Variants in UBE2E2 observed in about 807,000 individuals in gnomAD.
UBE2E2 encodes ubiquitin-conjugating enzyme E2 E2.
In UBE2E2, 6 loss-of-function variants were observed where a neutral mutation model predicts 24.7. The observed-to-expected ratio is 0.24, with a 90% CI of 0.13 to 0.48. The LOEUF (loss-of-function observed/expected upper bound fraction) is 0.48, where lower values mean the gene tolerates loss of function less well. UBE2E2 is among the 20% of genes least tolerant of loss of function. The pLI, the probability that UBE2E2 is intolerant of heterozygous loss-of-function variation, is 0.99. For missense variants in UBE2E2, 169 were observed against 245.0 expected (o/e 0.69, Z 2.07); for synonymous variants, 104 against 83.6 (o/e 1.24, Z -1.33).
At chr3:23,497,007 C>G (rs1699615893) in intron 3 of UBE2E2, among the ~76,000 whole-genome samples, 1 of 151,942 alleles carries the variant, frequency 6.6e-6, no homozygotes, top group Non-Finnish European at 1.5e-5. Flanking sequence ...TGTATTCTTA[C>G]AATAAAGTAA....
intron 3 of UBE2E2, among the ~76,000 whole-genome samples, chr3:23,339,682 G>A (rs1695328995): frequency 6.6e-6 from 1 of 152,004 alleles, no homozygotes; most frequent in Non-Finnish European, 1.5e-5. Context: ...TTTAAATTTT[G>A]ATTCCTGAGT....
chr3:23,203,453 C>CA lies in UBE2E2; in HGVS notation c.-20_-19insA. Reference sequence around the variant, plus strand: ...CTCGAGCCTGCGACCTGCACGGACACCCCCCCCTCAGGTATTCGCTCGGGC... The same window carrying CA: ...CTCGAGCCTGCGACCTGCACGGACACACCCCCCCTCAGGTATTCGCTCGGGC... On this transcript the variant is annotated 5_prime_UTR_variant, in exon 1 of 6. Coordinates refer to ENST00000396703, the MANE Select transcript of UBE2E2 (RefSeq NM_152653.4). 1 of 788,920 alleles carries CA rather than the reference C, an allele frequency of 1.3e-6. No homozygotes were observed. Among genetic ancestry groups the CA allele is most frequent in the Non-Finnish European group, 1.4e-6 (1 of 716,540 alleles). The allele number at this position is 788,920 out of a possible 1,614,324, so 48.9% of individuals were successfully genotyped here. A position where few individuals can be genotyped will look rare whatever the true frequency, so the allele number is the denominator to read the frequency against.
chr3:23,345,445 A>G (rs1467739730), intron 3 of UBE2E2, among the ~76,000 whole-genome samples: 1 of 152,222 alleles, frequency 6.6e-6, no homozygotes, highest in Non-Finnish European at 1.5e-5. Flanking sequence ...ATTATTTACC[A>G]TAAGTGGTTT....
intron 4 of UBE2E2, among the ~76,000 whole-genome samples, chr3:23,500,127 G>A (rs1247559118): frequency 6.6e-6 from 1 of 152,168 alleles, no homozygotes; most frequent in Non-Finnish European, 1.5e-5. Context: ...CAAGAATCAG[G>A]CTAAAGGCAG....
intron 5 of UBE2E2, among the ~76,000 whole-genome samples, chr3:23,547,224 C>T (rs1431289109): frequency 1.3e-5 from 2 of 152,178 alleles, no homozygotes; most frequent in African/African-American, 2.4e-5. Flanking sequence ...AACAATAAGA[C>T]ATTTTTTTCT....
intron 3 of UBE2E2, among the ~76,000 whole-genome samples, chr3:23,297,258 T>A (rs1178389378): frequency 6.6e-6 from 1 of 151,972 alleles, no homozygotes; most frequent in Non-Finnish European, 1.5e-5. Flanking sequence ...ATTCTGTAGG[T>A]TGCCTGTTCA....
chr3:23,384,934 C>CT (rs966148804), intron 3 of UBE2E2, among the ~76,000 whole-genome samples: 18 of 151,394 alleles, frequency 1.2e-4, no homozygotes, highest in Non-Finnish European at 2.4e-4. Flanking sequence ...AATATTTCTT[C>CT]TTTTTTTTTC....
chr3:23,477,028 C>CA (rs1309562665), intron 3 of UBE2E2, among the ~76,000 whole-genome samples: 1 of 152,046 alleles, frequency 6.6e-6, no homozygotes, highest in Non-Finnish European at 1.5e-5. Flanking sequence ...TAATTATTAA[C>CA]AAAATTATCA....
intron 3 of UBE2E2, among the ~76,000 whole-genome samples, chr3:23,224,156 G>GTTTTTTTTTTTTTTTT (rs531661466): frequency 2.3e-4 from 22 of 93,684 alleles, no homozygotes; most frequent in African/African-American, 3.6e-4. Context: ...TAAATTTTAG[G>GTTTTTTTTTTTTTTTT]TTTTTTTTTT....
At chr3:23,296,970 G>C (rs1698928912) in intron 3 of UBE2E2, among the ~76,000 whole-genome samples, 1 of 152,138 alleles carries the variant, frequency 6.6e-6, no homozygotes, top group African/African-American at 2.4e-5. Flanking sequence ...TCCAGCACCT[G>C]TTGTTTCCTG....
chr3:23,365,155 A>G (rs887646644), intron 3 of UBE2E2, among the ~76,000 whole-genome samples: 1 of 152,188 alleles, frequency 6.6e-6, no homozygotes, highest in African/African-American at 2.4e-5. Flanking sequence ...TGACAAACCC[A>G]CAGCAAACAT....
intron 3 of UBE2E2, among the ~76,000 whole-genome samples, chr3:23,335,295 G>A (rs1695171307): frequency 6.6e-6 from 1 of 151,992 alleles, no homozygotes; most frequent in South Asian, 2.1e-4. Flanking sequence ...AAAAATATGG[G>A]GAGACTGACC....
chr3:23,448,253 C>T (rs1045826734), intron 3 of UBE2E2, among the ~76,000 whole-genome samples: 1 of 152,120 alleles, frequency 6.6e-6, no homozygotes, highest in Admixed American at 6.5e-5. Context: ...CAGTTCCACC[C>T]CTAGGAACTT....
chr3:23,348,996 C>A (rs1575577309), intron 3 of UBE2E2, among the ~76,000 whole-genome samples: 1 of 152,124 alleles, frequency 6.6e-6, no homozygotes, highest in African/African-American at 2.4e-5. Flanking sequence ...GACCACCCCC[C>A]CACCACCTCC....
intron 3 of UBE2E2, among the ~76,000 whole-genome samples, chr3:23,225,350 C>T (rs1696791091): frequency 6.6e-6 from 1 of 151,752 alleles, no homozygotes; most frequent in Non-Finnish European, 1.5e-5. Context: ...CATTTGGTGT[C>T]ATATCTTAGA....
chr3:23,223,194 A>AT (rs35538160), intron 3 of UBE2E2, among the ~76,000 whole-genome samples: 18,489 of 122,754 alleles, frequency 0.15, 1,599 homozygotes, highest in Middle Eastern at 0.22. Context: ...TGATTTTTGT[A>AT]TTTTTTTTTT....
At chr3:23,337,878 G>A (rs941739662) in intron 3 of UBE2E2, among the ~76,000 whole-genome samples, 29 of 152,158 alleles carry the variant, frequency 1.9e-4, no homozygotes, top group African/African-American at 6.5e-4. Context: ...TGAAAGTAGA[G>A]TGATTAGTTT....
intron 3 of UBE2E2, among the ~76,000 whole-genome samples, chr3:23,432,916 A>T (rs1371408446): frequency 6.6e-6 from 1 of 151,916 alleles, no homozygotes; most frequent in East Asian, 1.9e-4. Context: ...TTCTATAAGA[A>T]TAGACACTTC....
chr3:23,362,506 T>G (rs1247034217), intron 3 of UBE2E2, among the ~76,000 whole-genome samples: 1 of 152,156 alleles, frequency 6.6e-6, no homozygotes, highest in African/African-American at 2.4e-5. Flanking sequence ...CCTCCATCCC[T>G]GCTGGATGAG....
Sources: gnomAD v4.1 joint callset for allele counts (sites outside exome capture counted in the v4.1 genomes callset) on GRCh38, gnomAD v4.1.1 for gene constraint, MANE v1.5 for transcripts, NCBI Gene and HGNC (gene_info 2026-07-23, HGNC 2026-07-21) for gene names.